The following PLCXD2 variants were observed in gnomAD, a reference collection of about 807,000 sequenced individuals.
The protein encoded by PLCXD2 is PI-PLC X domain-containing protein 2.
PLCXD2 carries 21 observed loss-of-function variants against 28.6 expected under a neutral mutation model. That is an observed-to-expected ratio of 0.73 (90% CI 0.52 to 1.06). The LOEUF (loss-of-function observed/expected upper bound fraction) is 1.06, where lower values mean the gene tolerates loss of function less well. Ranked by LOEUF, PLCXD2 falls within the 50% of genes least tolerant of loss-of-function variation. PLCXD2 has a pLI of 0.00. For missense variants in PLCXD2, 369 were observed against 376.7 expected (o/e 0.98, Z 0.17); for synonymous variants, 140 against 150.1 (o/e 0.93, Z 0.49).
chr3:111,679,049 G>T (rs1940671035), intron 1 of PLCXD2, among the ~76,000 whole-genome samples: 2 of 152,012 alleles, frequency 1.3e-5, no homozygotes, highest in South Asian at 4.1e-4. Flanking sequence ...ATATATATAT[G>T]TATATATGTA....
chr3:111,719,846 A>C (rs927085129), intron 3 of PLCXD2, among the ~76,000 whole-genome samples: 2 of 152,148 alleles, frequency 1.3e-5, no homozygotes, highest in Non-Finnish European at 2.9e-5. Flanking sequence ...ATTTGTCAAA[A>C]CTCGGCAAGT....
chr3:111,675,820 T>C (rs2107834553), intron 1 of PLCXD2, among the ~76,000 whole-genome samples: 1 of 152,366 alleles, frequency 6.6e-6, no homozygotes, highest in South Asian at 2.1e-4. Context: ...AAATATTTTA[T>C]TTCTCATTTA....
intron 1 of PLCXD2, among the ~76,000 whole-genome samples, chr3:111,686,107 A>G (rs1188043587): frequency 1.3e-5 from 2 of 152,224 alleles, no homozygotes; most frequent in East Asian, 3.8e-4. Flanking sequence ...AACTTCAACT[A>G]GAGAAGGTCT....
At chr3:111,686,544 T>C (rs780228090) in intron 1 of PLCXD2, among the ~76,000 whole-genome samples, 1 of 152,202 alleles carries the variant, frequency 6.6e-6, no homozygotes, top group Non-Finnish European at 1.5e-5. Context: ...TTAAAGATGT[T>C]ATCTTTGGTT....
At chr3:111,704,426 T>C (rs1941088236) in intron 1 of PLCXD2, among the ~76,000 whole-genome samples, 1 of 152,240 alleles carries the variant, frequency 6.6e-6, no homozygotes, top group African/African-American at 2.4e-5. Flanking sequence ...AAGATGATTT[T>C]CATCTAGAAA....
chr3:111,710,926 G>C (rs1941191493), intron 2 of PLCXD2, among the ~76,000 whole-genome samples: 1 of 152,184 alleles, frequency 6.6e-6, no homozygotes. Context: ...ACAGTAGAGT[G>C]ATGATCTATC....
intron 1 of PLCXD2, among the ~76,000 whole-genome samples, chr3:111,690,554 A>G (rs1011130629): frequency 5.9e-5 from 9 of 152,228 alleles, no homozygotes; most frequent in African/African-American, 2.2e-4. Context: ...GCAGGTGTGT[A>G]AGCTCTCAGA....
intron 3 of PLCXD2, among the ~76,000 whole-genome samples, chr3:111,716,406 A>G (rs1249787643): frequency 2.0e-5 from 3 of 152,354 alleles, no homozygotes; most frequent in African/African-American, 7.2e-5. Context: ...GTTTCTCGGC[A>G]GGGATTTAAC....
intron 1 of PLCXD2, among the ~76,000 whole-genome samples, chr3:111,701,688 C>G (rs1941046304): frequency 6.6e-6 from 1 of 152,138 alleles, no homozygotes; most frequent in African/African-American, 2.4e-5. Context: ...GTTTTTGGTA[C>G]TATTTGACAG....
At chr3:111,679,893 C>A (rs1461842682) in intron 1 of PLCXD2, among the ~76,000 whole-genome samples, 2 of 152,158 alleles carry the variant, frequency 1.3e-5, no homozygotes, top group African/African-American at 4.8e-5. Flanking sequence ...ATCTTTGCTG[C>A]CTGGCTGCTG....
intron 3 of PLCXD2, chr3:111,726,721 T>C (rs926216628): frequency 2.0e-5 from 3 of 152,224 alleles, no homozygotes; most frequent in Middle Eastern, 3.2e-3. Flanking sequence ...ATATCTCGTC[T>C]TCTTTCTTGT....
intron 1 of PLCXD2, among the ~76,000 whole-genome samples, chr3:111,702,958 T>A (rs2137597): frequency 0.8 from 122,219 of 152,218 alleles, 51,777 homozygotes; most frequent in East Asian, 0.99. Flanking sequence ...TGTGCAGGAA[T>A]GGGGGGACAT....
rs1252385214 is a variant in PLCXD2 at position 111,683,998 on chromosome 3, A to G, written c.163+8590A>G. Reference sequence around the variant, plus strand: ...TTGTACTGTGGGTTGCAAGGAGGAGACTGTCAGGGAGTAAAGTGGCAACAT... The same window carrying G: ...TTGTACTGTGGGTTGCAAGGAGGAGGCTGTCAGGGAGTAAAGTGGCAACAT... On this transcript the variant is annotated intron_variant, in intron 1 of 4. Coordinates refer to ENST00000477665, the MANE Select transcript of PLCXD2 (RefSeq NM_001185106.1). Among the ~76,000 whole-genome samples the G allele has an allele frequency of 3.3e-5, 5 of 152,022 alleles. No homozygotes were observed. The East Asian group carries it at 9.7e-4, about 29-fold the overall frequency.
intron 1 of PLCXD2, among the ~76,000 whole-genome samples, chr3:111,703,953 T>C (rs1941082174): frequency 6.6e-6 from 1 of 152,242 alleles, no homozygotes; most frequent in East Asian, 1.9e-4. Context: ...GCCTCTATGT[T>C]CCAGATGCTA....
intron 1 of PLCXD2, among the ~76,000 whole-genome samples, chr3:111,683,554 T>A (rs1224339795): frequency 2.0e-5 from 3 of 152,152 alleles, no homozygotes; most frequent in Admixed American, 1.3e-4. Flanking sequence ...GATGAGAAAC[T>A]CATTGTTTCT....
chr3:111,693,100 T>C (rs752521229), intron 1 of PLCXD2, among the ~76,000 whole-genome samples: 13 of 152,202 alleles, frequency 8.5e-5, no homozygotes, highest in Non-Finnish European at 1.6e-4. Context: ...AGAATTGGGC[T>C]GGCCTCTGTT....
intron 1 of PLCXD2, among the ~76,000 whole-genome samples, chr3:111,700,621 T>A (rs1264133479): frequency 2.0e-5 from 3 of 151,984 alleles, no homozygotes; most frequent in Admixed American, 6.6e-5. Context: ...AAAAAAAAAA[T>A]TTGTTGTTAG....
intron 3 of PLCXD2, chr3:111,725,572 CAGA>C (rs928882565): frequency 4.0e-5 from 16 of 398,244 alleles, no homozygotes; most frequent in African/African-American, 3.3e-4. Context: ...GGCCCTAACC[CAGA>C]AGAATACACC....
chr3:111,719,930 T>C (rs1291695448), intron 3 of PLCXD2, among the ~76,000 whole-genome samples: 2 of 152,230 alleles, frequency 1.3e-5, no homozygotes, highest in Non-Finnish European at 2.9e-5. Flanking sequence ...AAACAGATAT[T>C]GAACTCCAGT....
Sources: allele counts gnomAD v4.1 joint callset (sites outside exome capture counted in the v4.1 genomes callset), GRCh38; gene constraint gnomAD v4.1.1; transcripts MANE v1.5; gene names NCBI Gene and HGNC (gene_info 2026-07-23, HGNC 2026-07-21).